Variants in CDH18 observed in about 807,000 individuals in gnomAD.
CDH18 encodes the protein cadherin 18, also known as cadherin-18.
Under a neutral mutation model 67.9 loss-of-function variants are expected in CDH18, and 31 were observed. The observed-to-expected ratio is 0.46, with a 90% CI of 0.34 to 0.62. The LOEUF (loss-of-function observed/expected upper bound fraction) is 0.62, where lower values mean the gene tolerates loss of function less well. CDH18 is among the 20% of genes least tolerant of loss of function. The pLI is 0.01. For missense variants in CDH18, 890 were observed against 975.5 expected (o/e 0.91, Z 1.17); for synonymous variants, 362 against 347.2 (o/e 1.04, Z -0.48).
At chr5:20,065,427 TATA>T (rs1742898030) in intron 2 of CDH18, among the ~76,000 whole-genome samples, 1 of 152,014 alleles carries the variant, frequency 6.6e-6, no homozygotes, top group Non-Finnish European at 1.5e-5. Flanking sequence ...TTTAGACACT[TATA>T]ATTTTATTAA....
At chr5:19,780,941 A>T (rs1775040208) in intron 3 of CDH18, among the ~76,000 whole-genome samples, 1 of 152,168 alleles carries the variant, frequency 6.6e-6, no homozygotes, top group Non-Finnish European at 1.5e-5. Flanking sequence ...AGGCCTGCTG[A>T]AGTGGTTTCC....
At chr5:20,346,345 A>T (rs2150050719) in intron 1 of CDH18, among the ~76,000 whole-genome samples, 1 of 152,308 alleles carries the variant, frequency 6.6e-6, no homozygotes, top group Non-Finnish European at 1.5e-5. Flanking sequence ...TTGGACAGTT[A>T]ATGCCTACAT....
At chr5:19,997,036 A>C (rs562960205) in intron 2 of CDH18, among the ~76,000 whole-genome samples, 113 of 152,206 alleles carry the variant, frequency 7.4e-4, no homozygotes, top group Non-Finnish European at 1.4e-3. Flanking sequence ...CAATACCATA[A>C]ATTCCATAAG....
At position 20,431,907 on chromosome 5, in the gene CDH18, A is replaced by G. The variant is rs1215449809; in HGVS notation, c.-580+143555T>C. Among the ~76,000 whole-genome samples, 3 of 152,322 alleles carry G rather than the reference A, an allele frequency of 2.0e-5. No homozygotes were observed. In the East Asian group the frequency reaches 5.8e-4, roughly 29 times the overall value. ...GTGGAAAGCATTTTATCCACCAGGC[A>G]GTATCCTTCTTACAAACTGCCCCGT... On this transcript the variant is annotated intron_variant, in intron 1 of 14. Transcript: ENST00000507958.
At chr5:19,954,127 C>T (rs936634807) in intron 2 of CDH18, among the ~76,000 whole-genome samples, 33 of 151,978 alleles carry the variant, frequency 2.2e-4, no homozygotes, top group African/African-American at 7.0e-4. Context: ...AAATACCACT[C>T]AAATCTAGCA....
intron 5 of CDH18, among the ~76,000 whole-genome samples, chr5:19,687,318 G>T (rs2150407472): frequency 6.6e-6 from 1 of 152,262 alleles, no homozygotes; most frequent in Admixed American, 6.5e-5. Flanking sequence ...CCATCAGAAT[G>T]CATCCTGTTC....
At chr5:20,349,468 C>A (rs1301543341) in intron 1 of CDH18, among the ~76,000 whole-genome samples, 2 of 152,054 alleles carry the variant, frequency 1.3e-5, no homozygotes, top group East Asian at 1.9e-4. Flanking sequence ...CATGGAAAAT[C>A]TTTTCATCTT....
intron 2 of CDH18, among the ~76,000 whole-genome samples, chr5:19,928,171 A>G (rs2150189587): frequency 6.6e-6 from 1 of 152,288 alleles, no homozygotes; most frequent in Non-Finnish European, 1.5e-5. Flanking sequence ...CCTGGCTTTC[A>G]ATGGCTGCAG....
At chr5:20,456,333 G>T (rs1257470702) in intron 1 of CDH18, among the ~76,000 whole-genome samples, 1 of 152,026 alleles carries the variant, frequency 6.6e-6, no homozygotes, top group African/African-American at 2.4e-5. Flanking sequence ...TTATTTAGTG[G>T]AATTAACTTT....
intron 2 of CDH18, among the ~76,000 whole-genome samples, chr5:20,252,608 A>G (rs1430100004): frequency 6.6e-6 from 1 of 152,104 alleles, no homozygotes; most frequent in Non-Finnish European, 1.5e-5. Context: ...CATAATGTCA[A>G]TGCAACTTTG....
chr5:19,643,886 A>G (rs1279510385), intron 5 of CDH18, among the ~76,000 whole-genome samples: 2 of 152,216 alleles, frequency 1.3e-5, no homozygotes, highest in East Asian at 1.9e-4. Flanking sequence ...TGAATAAGTT[A>G]GTTTGATCGT....
chr5:19,943,501 G>A (rs1328131306), intron 2 of CDH18, among the ~76,000 whole-genome samples: 1 of 152,100 alleles, frequency 6.6e-6, no homozygotes, highest in Admixed American at 6.6e-5. Context: ...TCTAAACTGA[G>A]ATGTGATTTA....
chr5:20,340,466 G>A (rs1561986867), intron 1 of CDH18, among the ~76,000 whole-genome samples: 2 of 152,128 alleles, frequency 1.3e-5, no homozygotes, highest in African/African-American at 4.8e-5. Context: ...CTACAGGTGT[G>A]GCAAACCAAG....
chr5:20,555,255 C>T (rs1237508246), intron 1 of CDH18, among the ~76,000 whole-genome samples: 1 of 151,948 alleles, frequency 6.6e-6, no homozygotes, highest in Non-Finnish European at 1.5e-5. Context: ...ACAGCCTTCA[C>T]CAGGAATGAA....
intron 1 of CDH18, among the ~76,000 whole-genome samples, chr5:20,574,564 G>A (rs574943262): frequency 8.6e-4 from 131 of 152,070 alleles, no homozygotes; most frequent in African/African-American, 3.1e-3. Flanking sequence ...CTGTCACAAT[G>A]TTTTATCCTT....
At chr5:20,085,557 T>C (rs1744870295) in intron 2 of CDH18, among the ~76,000 whole-genome samples, 1 of 152,156 alleles carries the variant, frequency 6.6e-6, no homozygotes, top group South Asian at 2.1e-4. Context: ...TATTAGTCTG[T>C]TTTCATGCTT....
At chr5:20,485,321 T>C (rs539259432) in intron 1 of CDH18, among the ~76,000 whole-genome samples, 3 of 152,274 alleles carry the variant, frequency 2.0e-5, no homozygotes, top group East Asian at 3.9e-4. Context: ...GAAGATGACA[T>C]GTGTGTAATG....
intron 2 of CDH18, among the ~76,000 whole-genome samples, chr5:20,041,085 G>A (rs1003981585): frequency 1.3e-5 from 2 of 152,160 alleles, no homozygotes; most frequent in African/African-American, 4.8e-5. Context: ...ATGACCACAA[G>A]CTACTGAAGA....
intron 2 of CDH18, among the ~76,000 whole-genome samples, chr5:20,163,092 T>G (rs912761837): frequency 1.3e-5 from 2 of 150,882 alleles, no homozygotes; most frequent in Admixed American, 1.3e-4. Flanking sequence ...TAAATAGAAT[T>G]TATCTGTAGA....
Sources: gnomAD v4.1 joint callset for allele counts (sites outside exome capture counted in the v4.1 genomes callset) on GRCh38, gnomAD v4.1.1 for gene constraint, MANE v1.5 for transcripts, NCBI Gene and HGNC (gene_info 2026-07-23, HGNC 2026-07-21) for gene names.